Variants in PAX3 observed in about 807,000 individuals in gnomAD.
PAX3 encodes the protein paired box protein Pax-3.
Under a neutral mutation model 51.6 loss-of-function variants are expected in PAX3, and 14 were observed. That is an observed-to-expected ratio of 0.27 (90% confidence interval 0.18 to 0.42). The LOEUF is 0.42. PAX3 is among the 10% of genes least tolerant of loss of function. The pLI is 1.00. For missense variants in PAX3, 540 were observed against 642.8 expected (o/e 0.84, Z 1.73); for synonymous variants, 280 against 253.4 (o/e 1.11, Z -1.00).
At chr2:222,232,016 G>A in intron 5 of PAX3, 62 bp downstream of exon 5, 1 of 1,465,010 alleles carries the variant, frequency 6.8e-7, no homozygotes, top group South Asian at 1.1e-5. Context: ...TTTTAGATGA[G>A]AAGATGCTTG....
At chr2:222,256,328 C>T (rs1202819963) in intron 4 of PAX3, among the ~76,000 whole-genome samples, 1 of 152,122 alleles carries the variant, frequency 6.6e-6, no homozygotes, top group East Asian at 1.9e-4. Flanking sequence ...GCAGACAGTG[C>T]TCACCATCCT....
chr2:222,210,427 G>A (rs1215448408), intron 7 of PAX3, among the ~76,000 whole-genome samples: 1 of 152,020 alleles, frequency 6.6e-6, no homozygotes, highest in Non-Finnish European at 1.5e-5. Flanking sequence ...AATTTACCCA[G>A]TATCTATTGT....
At position 222,201,059 on chromosome 2, in the gene PAX3, G is replaced by T. The variant is rs969341668; in HGVS notation, c.*349C>A. ...TACACACACACACACACACACGCAC[G>T]CACGCACACAAGCAAATGGAATGTT... On this transcript the variant is annotated 3_prime_UTR_variant, in exon 9 of 9. Transcript: ENST00000392070. 18 of 1,092,876 alleles carry T rather than the reference G, an allele frequency of 1.6e-5. No individual in the cohort carries two copies. The highest frequency in any genetic ancestry group is 2.3e-5 in the Non-Finnish European group (17 of 732,898). 67.7% of individuals were successfully genotyped at this position (1,092,876 alleles called of 1,614,324 possible). A position where few individuals can be genotyped will look rare whatever the true frequency, so the allele number is the denominator to read the frequency against.
At chr2:222,256,418 C>T (rs1379550193) in intron 4 of PAX3, among the ~76,000 whole-genome samples, 1 of 152,018 alleles carries the variant, frequency 6.6e-6, no homozygotes, top group African/African-American at 2.4e-5. Context: ...CCCTGCCGTC[C>T]TTCCTTGATC....
intron 4 of PAX3, among the ~76,000 whole-genome samples, chr2:222,260,597 T>G (rs1249485790): frequency 3.5e-5 from 3 of 86,358 alleles, no homozygotes; most frequent in East Asian, 8.1e-4. Context: ...TTTTGTTTTT[T>G]TTTTTTTTTT....
At chr2:222,217,744 A>C (rs1335164264) in intron 7 of PAX3, among the ~76,000 whole-genome samples, 1 of 152,206 alleles carries the variant, frequency 6.6e-6, no homozygotes, top group Non-Finnish European at 1.5e-5. Flanking sequence ...CAAGTAAACC[A>C]GGGTGTTAGA....
chr2:222,201,652 G>T, intron 8 of PAX3: 1 of 1,346,362 alleles, frequency 7.4e-7, no homozygotes, highest in South Asian at 1.5e-5. Flanking sequence ...TTAAGAACAT[G>T]TGTTTCTAAT....
intron 5 of PAX3, among the ~76,000 whole-genome samples, chr2:222,229,771 G>T (rs553395727): frequency 6.6e-6 from 1 of 152,198 alleles, no homozygotes; most frequent in African/African-American, 2.4e-5. Flanking sequence ...GTTATCTTAC[G>T]TGTAGCCCAC....
At chr2:222,224,478 G>T (rs375680889) in intron 5 of PAX3, among the ~76,000 whole-genome samples, 1 of 152,098 alleles carries the variant, frequency 6.6e-6, no homozygotes, top group Non-Finnish European at 1.5e-5. Flanking sequence ...GCCAAAAGAA[G>T]TATTAAAGGA....
intron 4 of PAX3, among the ~76,000 whole-genome samples, chr2:222,270,496 AAAAG>A (rs1245019039): frequency 6.6e-6 from 1 of 152,234 alleles, no homozygotes; most frequent in Non-Finnish European, 1.5e-5. Flanking sequence ...AAGAAAGAGA[AAAAG>A]AGAGAGGTTT....
intron 7 of PAX3, among the ~76,000 whole-genome samples, chr2:222,205,594 A>G (rs532434762): frequency 6.6e-6 from 1 of 152,212 alleles, no homozygotes; most frequent in Admixed American, 6.5e-5. Flanking sequence ...ACATTTTCCT[A>G]CATTTGGCCT....
At chr2:222,269,862 G>C (rs45506797) in intron 4 of PAX3, among the ~76,000 whole-genome samples, 6,811 of 152,272 alleles carry the variant, frequency 0.045, 180 homozygotes, top group Middle Eastern at 0.13. Flanking sequence ...CAAAAAATGT[G>C]CTAGTGAGCT....
At position 222,201,253 on chromosome 2, in the gene PAX3, GA is replaced by G. The variant is rs1691278237; in HGVS notation, c.*154del. 1.9e-6 allele frequency: 3 copies of G among 1,613,874 alleles called. No individual in the cohort carries two copies. Among genetic ancestry groups the G allele is most frequent in the East Asian group, 2.2e-5 (1 of 44,844 alleles). ...GATTTGAAACCAACTATTGGAGGAA[GA>G]AAATCAATCACTCTCCTTTGTCTCC... On this transcript the variant is annotated 3_prime_UTR_variant, in exon 9 of 9. Coordinates refer to ENST00000392070, the MANE Select transcript of PAX3 (RefSeq NM_181458.4).
rs368438257 is a variant in PAX3, at chr2:222,220,214, T to C, written c.1099A>G (p.Thr367Ala). 3 of 1,613,804 alleles carry C rather than the reference T, an allele frequency of 1.9e-6. No individual in the cohort carries two copies. The highest frequency in any genetic ancestry group is 1.3e-5 in the African/African-American group (1 of 74,898). ...PSTRHGFSSY[T>A]DSFVPPSGPS... The stretch of plus-strand genomic sequence containing the variant: ...CCCGACGGAGGCACAAAGCTGTCTG[T>C]ATAGCTGGAAAATCCATGCCTGGTG... The change falls in exon 7 of 9, where the codon ACA becomes GCA. Residue 367 changes from threonine to alanine, a missense_variant. Physicochemically the swap from Thr to Ala is moderately conservative, Grantham distance 58 (BLOSUM62 0). This residue lies in a region of PAX3 where 427 missense variants were observed against 483.6 expected (regional missense o/e 0.88). Transcript: ENST00000392070.
At chr2:222,247,838 A>G (rs12615438) in intron 4 of PAX3, among the ~76,000 whole-genome samples, 14,725 of 152,148 alleles carry the variant, frequency 0.097, 907 homozygotes, top group East Asian at 0.32. Context: ...TAACCATTAT[A>G]TAATGCTGTT....
chr2:222,242,443 C>G (rs1432592339), intron 4 of PAX3: 1 of 152,138 alleles, frequency 6.6e-6, no homozygotes, highest in Non-Finnish European at 1.5e-5. Context: ...TTTTCTTTCA[C>G]CTTTAACAAA....
At chr2:222,282,602 T>A (rs977693585) in intron 4 of PAX3, among the ~76,000 whole-genome samples, 2 of 152,210 alleles carry the variant, frequency 1.3e-5, no homozygotes, top group Admixed American at 6.5e-5. Flanking sequence ...CAATTTTTCT[T>A]TTGTAAGTAA....
chr2:222,286,814 A>G (rs1473361940), intron 4 of PAX3, among the ~76,000 whole-genome samples: 1 of 152,266 alleles, frequency 6.6e-6, no homozygotes, highest in Non-Finnish European at 1.5e-5. Context: ...AAGAAGGAAA[A>G]GAAGAAGATA....
chr2:222,237,199 G>A lies in PAX3; in HGVS notation c.587-4916C>T, dbSNP rs992101907. On this transcript the variant is annotated intron_variant, in intron 4 of 8. Coordinates refer to ENST00000392070, the MANE Select transcript of PAX3 (RefSeq NM_181458.4). ...GAAAAAGGAAACTGAGACTCCAAGA[G>A]GTTGTTCAGTTCATACAGCTAAGGA... Among the ~76,000 whole-genome samples, 38 of 152,046 alleles carry A rather than the reference G, an allele frequency of 2.5e-4. 1 individual carries two copies. Among genetic ancestry groups the A allele is most frequent in the African/African-American group, 8.9e-4 (37 of 41,426 alleles).
Sources: allele counts gnomAD v4.1 joint callset (sites outside exome capture counted in the v4.1 genomes callset), GRCh38; gene constraint gnomAD v4.1.1; regional missense constraint gnomAD v4.1.1; transcripts MANE v1.5; gene names NCBI Gene and HGNC (gene_info 2026-07-23, HGNC 2026-07-21).